RAP1GDS1: variants seen among roughly 807,000 people sequenced by gnomAD.
RAP1GDS1 encodes Rap1 GTPase-GDP dissociation stimulator 1.
RAP1GDS1 carries 35 observed loss-of-function variants against 71.1 expected under a neutral mutation model. That is an observed-to-expected ratio of 0.49 (90% CI 0.38 to 0.65). The LOEUF is 0.65. RAP1GDS1 is among the 30% of genes least tolerant of loss of function. The probability of loss-of-function intolerance (pLI) is 0.00; values close to 1 mark genes in which losing one functional copy is unlikely to be tolerated. For missense variants in RAP1GDS1, 663 were observed against 706.1 expected, an observed-to-expected ratio of 0.94 and a Z score of 0.69; for synonymous variants, 229 against 243.1, an observed-to-expected ratio of 0.94 and a Z score of 0.54.
At chr4:98,325,558 G>C (rs1157192009) in intron 2 of RAP1GDS1, among the ~76,000 whole-genome samples, 8 of 150,862 alleles carry the variant, frequency 5.3e-5, no homozygotes, top group African/African-American at 1.7e-4. Context: ...TTAAGAAAAT[G>C]TGGCACATAT....
chr4:98,422,755 G>A (rs1287769482), intron 12 of RAP1GDS1, among the ~76,000 whole-genome samples: 1 of 152,160 alleles, frequency 6.6e-6, no homozygotes, highest in East Asian at 1.9e-4. Flanking sequence ...TAAGCCTCAG[G>A]AGTGTTCTTC....
intron 4 of RAP1GDS1, among the ~76,000 whole-genome samples, chr4:98,362,890 T>C (rs766346783): frequency 2.0e-5 from 3 of 152,286 alleles, no homozygotes; most frequent in Non-Finnish European, 4.4e-5. Context: ...TCCACACATA[T>C]TGATTGAACC....
chr4:98,349,775 T>C (rs1410854590), intron 3 of RAP1GDS1, among the ~76,000 whole-genome samples: 1 of 152,192 alleles, frequency 6.6e-6, no homozygotes, highest in Non-Finnish European at 1.5e-5. Context: ...GTTTGTCTGT[T>C]ATTGGTGTAT....
At chr4:98,409,507 G>A (rs1746698731) in intron 7 of RAP1GDS1, 1 of 164,414 alleles carries the variant, frequency 6.1e-6, no homozygotes, top group African/African-American at 2.4e-5. Flanking sequence ...TACTAGTGTT[G>A]TTGTAAACAA....
intron 2 of RAP1GDS1, among the ~76,000 whole-genome samples, chr4:98,302,228 A>T (rs546091956): frequency 6.6e-4 from 100 of 152,348 alleles, no homozygotes; most frequent in Non-Finnish European, 1.1e-3. Context: ...GCCTTTGCAG[A>T]TATGAAGAGA....
intron 2 of RAP1GDS1, among the ~76,000 whole-genome samples, chr4:98,314,365 C>T (rs572389375): frequency 6.6e-6 from 1 of 152,220 alleles, no homozygotes; most frequent in African/African-American, 2.4e-5. Context: ...ATCAAGTTTC[C>T]TTGGTGAGAG....
chr4:98,379,199 G>A, intron 5 of RAP1GDS1, 36 bp downstream of exon 5: 4 of 1,505,720 alleles, frequency 2.7e-6, no homozygotes, highest in East Asian at 2.4e-5. Flanking sequence ...ATCTCTGGGG[G>A]AAAAATTAAA....
At position 98,442,336 on chromosome 4, in the gene RAP1GDS1, T is replaced by C; in HGVS notation, c.*219T>C. On this transcript the variant is annotated 3_prime_UTR_variant, in exon 15 of 15. Transcript: ENST00000408927. ...AAGGCAAGTCTCCACCCATAACCGT[T>C]CTCTTGTATTCCTGTTGCTTGAGCT... is the stretch of plus-strand genomic sequence containing the variant. 8.2e-6 allele frequency: 4 copies of C among 485,686 alleles called. No homozygotes were observed. The highest frequency in any genetic ancestry group is 1.4e-5 in the Non-Finnish European group (4 of 288,544). 30.1% of individuals were successfully genotyped at this position (485,686 alleles called of 1,614,324 possible).
chr4:98,433,961 G>A lies in RAP1GDS1; in HGVS notation c.1466G>A (p.Ser489Asn). The A allele has an allele frequency of 6.2e-7, 1 of 1,608,882 alleles. No individual in the cohort carries two copies. Among genetic ancestry groups the A allele is most frequent in the East Asian group, 2.2e-5 (1 of 44,826 alleles). ...SKDVIKTIVQSGGIKHLVTMA... is the reference protein window; with the variant it reads ...SKDVIKTIVQNGGIKHLVTMA... The stretch of plus-strand genomic sequence containing the variant: ...GATGTAATTAAAACCATTGTGCAGA[G>A]TGGTGGCATCAAGCATCTAGTTACC... The change falls in exon 13 of 15, where the codon AGT (serine) becomes AAT (asparagine). Residue 489 changes from serine (S) to asparagine (N), a missense_variant. Transcript: ENST00000408927.
intron 2 of RAP1GDS1, among the ~76,000 whole-genome samples, chr4:98,312,256 T>C (rs896392763): frequency 6.6e-6 from 1 of 152,310 alleles, no homozygotes; most frequent in East Asian, 1.9e-4. Flanking sequence ...GTTTCATCCT[T>C]ACCAAATAGC....
At chr4:98,396,988 T>C (rs1744638229) in intron 6 of RAP1GDS1, 1 of 152,204 alleles carries the variant, frequency 6.6e-6, no homozygotes, top group Non-Finnish European at 1.5e-5. Context: ...GTGCAATCTA[T>C]TTCAGAATTG....
chr4:98,284,290 G>T (rs1273442139), intron 1 of RAP1GDS1, among the ~76,000 whole-genome samples: 1 of 152,070 alleles, frequency 6.6e-6, no homozygotes, highest in African/African-American at 2.4e-5. Context: ...TGGATAAATT[G>T]CATGATGCTG....
intron 2 of RAP1GDS1, among the ~76,000 whole-genome samples, chr4:98,301,399 G>T (rs1307728985): frequency 3.3e-5 from 5 of 152,154 alleles, no homozygotes; most frequent in Admixed American, 6.6e-5. Context: ...GAGACTCCTG[G>T]ATTGCCATAG....
chr4:98,372,033 C>T (rs1042134020), intron 4 of RAP1GDS1, among the ~76,000 whole-genome samples: 1 of 151,972 alleles, frequency 6.6e-6, no homozygotes, highest in African/African-American at 2.4e-5. Context: ...TTTTTTCTCC[C>T]ACAAAGGCGG....
chr4:98,306,313 A>T (rs928932682), intron 2 of RAP1GDS1, among the ~76,000 whole-genome samples: 2 of 152,222 alleles, frequency 1.3e-5, no homozygotes, highest in Non-Finnish European at 2.9e-5. Flanking sequence ...GTCCGGTGAC[A>T]TGCCATACCT....
At chr4:98,415,328 A>T (rs983791676) in intron 7 of RAP1GDS1, among the ~76,000 whole-genome samples, 1 of 152,218 alleles carries the variant, frequency 6.6e-6, no homozygotes, top group African/African-American at 2.4e-5. Context: ...TCAAGCACAC[A>T]TGTTCTACAA....
At chr4:98,399,492 C>T (rs1238648093) in intron 6 of RAP1GDS1, among the ~76,000 whole-genome samples, 1 of 152,048 alleles carries the variant, frequency 6.6e-6, no homozygotes, top group African/African-American at 2.4e-5. Flanking sequence ...CAGGGTTTTA[C>T]CATGCTTCCC....
intron 2 of RAP1GDS1, among the ~76,000 whole-genome samples, chr4:98,328,855 T>C (rs1733528819): frequency 6.6e-6 from 1 of 152,224 alleles, no homozygotes; most frequent in Non-Finnish European, 1.5e-5. Context: ...TAAAATAAGT[T>C]TTATCAATAA....
At chr4:98,273,497 CT>C (rs754874265) in intron 1 of RAP1GDS1, among the ~76,000 whole-genome samples, 10 of 150,798 alleles carry the variant, frequency 6.6e-5, no homozygotes, top group South Asian at 6.3e-4. Context: ...GACTGGAGTT[CT>C]TTTTTTTTAA....
Sources: gnomAD v4.1 joint callset for allele counts (sites outside exome capture counted in the v4.1 genomes callset) on GRCh38, gnomAD v4.1.1 for gene constraint, MANE v1.5 for transcripts, NCBI Gene and HGNC (gene_info 2026-07-23, HGNC 2026-07-21) for gene names.